Variants in KDM6A observed in about 807,000 individuals in gnomAD.
KDM6A encodes the protein lysine-specific demethylase 6A.
KDM6A carries 11 observed loss-of-function variants against 117.6 expected under a neutral mutation model. The observed-to-expected ratio is 0.09, with a 90% CI of 0.06 to 0.15. The LOEUF (loss-of-function observed/expected upper bound fraction) is 0.15. KDM6A is among the 10% of genes least tolerant of loss of function. The pLI is 1.00. For missense variants in KDM6A, 799 were observed against 1,077.3 expected, an observed-to-expected ratio of 0.74 and a Z score of 3.62; for synonymous variants, 384 against 396.1, an observed-to-expected ratio of 0.97 and a Z score of 0.36.
At position 45,111,423 on chromosome X, in the gene KDM6A, G is replaced by A. The variant is rs1173519526; in HGVS notation, c.*12G>A. Reference sequence around the variant, plus strand: ...CCGCCTCATCTTGATATTGTTCCATGGACATTAAATGAGACCTTTTCTGCT... The same window carrying A: ...CCGCCTCATCTTGATATTGTTCCATAGACATTAAATGAGACCTTTTCTGCT... On this transcript the variant is annotated 3_prime_UTR_variant, in exon 30 of 30. Transcript: ENST00000611820. The A allele has an allele frequency of 1.1e-5, 13 of 1,182,300 alleles. No individual in the cohort carries two copies. The highest frequency in any genetic ancestry group is 1.8e-5 in the African/African-American group (1 of 56,758).
At chrX:44,994,248 T>A (rs1315754778) in intron 4 of KDM6A, among the ~76,000 whole-genome samples, 3 of 111,964 alleles carry the variant, frequency 2.7e-5, no homozygotes, top group Admixed American at 1.9e-4. Flanking sequence ...CAATTCCCTT[T>A]CCCCACCCTC....
At chrX:45,102,839 T>A (rs946612816) in intron 27 of KDM6A, among the ~76,000 whole-genome samples, 2 of 111,416 alleles carry the variant, frequency 1.8e-5, no homozygotes, top group African/African-American at 6.5e-5. Flanking sequence ...GTGGTTGGTG[T>A]AAATAAAACT....
At chrX:45,043,990 T>G (rs1015535220) in intron 8 of KDM6A, among the ~76,000 whole-genome samples, 2 of 111,878 alleles carry the variant, frequency 1.8e-5, no homozygotes, top group Non-Finnish European at 3.8e-5. Flanking sequence ...TTTTCTATGT[T>G]TAGATATTTA....
At chrX:44,991,854 T>C (rs1216994559) in intron 4 of KDM6A, among the ~76,000 whole-genome samples, 1 of 74,390 alleles carries the variant, frequency 1.3e-5, no homozygotes, top group African/African-American at 1.6e-4. Flanking sequence ...GCCTGACTAA[T>C]TTTTTTTTTG....
chrX:44,878,815 A>C (rs763723843), intron 2 of KDM6A, among the ~76,000 whole-genome samples: 1 of 110,302 alleles, frequency 9.1e-6, no homozygotes, highest in Admixed American at 9.8e-5. Flanking sequence ...TCGGTCTTCC[A>C]GGTTCAAGTG....
chrX:45,017,623 C>T (rs1015604954), intron 5 of KDM6A, among the ~76,000 whole-genome samples: 2 of 111,696 alleles, frequency 1.8e-5, no homozygotes, highest in Non-Finnish European at 3.8e-5. Context: ...CTTACATGTT[C>T]GAATAATGTG....
At chrX:45,033,148 A>T (rs1007755999) in intron 6 of KDM6A, among the ~76,000 whole-genome samples, 1 of 112,190 alleles carries the variant, frequency 8.9e-6, no homozygotes, top group African/African-American at 3.2e-5. Flanking sequence ...TAGACTTAGA[A>T]ATATAGTACA....
intron 2 of KDM6A, among the ~76,000 whole-genome samples, chrX:44,923,771 G>A (rs758659909): frequency 9.0e-6 from 1 of 110,564 alleles, no homozygotes; most frequent in African/African-American, 3.3e-5. Flanking sequence ...GGCCCATGCT[G>A]GAGTGCAGTG....
intron 2 of KDM6A, among the ~76,000 whole-genome samples, chrX:44,902,453 G>C (rs1245988238): frequency 1.9e-5 from 2 of 107,049 alleles, no homozygotes; most frequent in African/African-American, 6.8e-5. Context: ...GCAGTGGCAT[G>C]ATCTCAGCTC....
At chrX:45,095,890 T>C (rs2046084735) in intron 27 of KDM6A, among the ~76,000 whole-genome samples, 1 of 112,136 alleles carries the variant, frequency 8.9e-6, no homozygotes, top group South Asian at 3.7e-4. Context: ...CAAATCTGAT[T>C]CCCACTTGCC....
At chrX:44,908,277 G>A (rs2034857152) in intron 2 of KDM6A, among the ~76,000 whole-genome samples, 1 of 111,500 alleles carries the variant, frequency 9.0e-6, no homozygotes, top group Non-Finnish European at 1.9e-5. Flanking sequence ...TTCTGGTCTG[G>A]TTATCTTGTT....
chrX:44,913,775 CAT>C (rs1569420852), intron 2 of KDM6A, among the ~76,000 whole-genome samples: 1 of 110,789 alleles, frequency 9.0e-6, no homozygotes, highest in African/African-American at 3.3e-5. Context: ...CGCACACACA[CAT>C]ATATTCCATA....
chrX:45,078,142 T>C (rs1003264256), intron 19 of KDM6A, among the ~76,000 whole-genome samples: 6 of 112,259 alleles, frequency 5.3e-5, no homozygotes, highest in African/African-American at 1.9e-4. Context: ...TAAAACACTT[T>C]GATTTTGAAG....
In KDM6A at chrX:45,054,178, G is replaced by A. The variant is rs770042824; in HGVS notation, c.875+223G>A. Among the ~76,000 whole-genome samples, 6 of 111,427 alleles carry A rather than the reference G, an allele frequency of 5.4e-5. No homozygotes were observed. In the East Asian group the frequency reaches 1.7e-3, roughly 31 times the overall value. ...GTCTAGCAGGACGTTTCTTATTTTG[G>A]TTATTGGATTTTTATTTGATTTGAG... On this transcript the variant is annotated intron_variant, in intron 10 of 29. Transcript: ENST00000611820.
chrX:45,044,285 A>G (rs1602715251), intron 8 of KDM6A, among the ~76,000 whole-genome samples: 1 of 111,899 alleles, frequency 8.9e-6, no homozygotes, highest in African/African-American at 3.2e-5. Flanking sequence ...TTTTTTCTAC[A>G]GTAATAATAG....
At chrX:45,047,680 T>C (rs865813939) in intron 8 of KDM6A, among the ~76,000 whole-genome samples, 87 of 50,494 alleles carry the variant, frequency 1.7e-3, no homozygotes, top group African/African-American at 0.011. Context: ...TTTTCTTTTT[T>C]TTTTTTTTTT....
At chrX:45,082,495 T>G (rs981627532) in intron 21 of KDM6A, 81 bp from the exon 22 acceptor site, 13 of 626,171 alleles carry the variant, frequency 2.1e-5, no homozygotes, top group South Asian at 4.7e-5. Flanking sequence ...AATCTAGATA[T>G]GAACTTTTTT....
intron 2 of KDM6A, among the ~76,000 whole-genome samples, chrX:44,941,170 A>AG (rs1444282299): frequency 8.9e-6 from 1 of 112,568 alleles, no homozygotes; most frequent in Admixed American, 9.4e-5. Flanking sequence ...TGGTATGATT[A>AG]CTGTAGTGTT....
At chrX:44,901,612 G>C (rs1332560564) in intron 2 of KDM6A, among the ~76,000 whole-genome samples, 1 of 111,098 alleles carries the variant, frequency 9.0e-6, no homozygotes, top group African/African-American at 3.3e-5. Flanking sequence ...CCTCAATTCA[G>C]CTTTTGCTTG....
Sources: allele counts gnomAD v4.1 joint callset (sites outside exome capture counted in the v4.1 genomes callset), GRCh38; gene constraint gnomAD v4.1.1; transcripts MANE v1.5; gene names NCBI Gene and HGNC (gene_info 2026-07-23, HGNC 2026-07-21).